The following DSCAM variants were observed in gnomAD, a reference collection of about 807,000 sequenced individuals.
DSCAM encodes cell adhesion molecule DSCAM.
DSCAM carries 47 observed loss-of-function variants against 217.7 expected under a neutral mutation model. That is an observed-to-expected ratio of 0.22 (90% confidence interval 0.17 to 0.28). The LOEUF is 0.28. Ranked by LOEUF, DSCAM falls within the 10% of genes least tolerant of loss-of-function variation. The probability of loss-of-function intolerance (pLI) is 1.00; values close to 1 mark genes in which losing one functional copy is unlikely to be tolerated. For missense variants in DSCAM, 2,080 were observed against 2,618.3 expected (o/e 0.79, Z 4.49); for synonymous variants, 1,056 against 1,015.3 (o/e 1.04, Z -0.76).
intron 11 of DSCAM, among the ~76,000 whole-genome samples, chr21:40,239,550 A>G (rs1473975981): frequency 6.6e-6 from 1 of 152,232 alleles, no homozygotes. Flanking sequence ...TGCTTTTTCC[A>G]GCATAAGGTG....
intron 3 of DSCAM, among the ~76,000 whole-genome samples, chr21:40,433,759 G>T (rs1601640664): frequency 6.6e-6 from 1 of 152,152 alleles, no homozygotes; most frequent in Non-Finnish European, 1.5e-5. Context: ...GTCACCTGAG[G>T]TAGATGATGT....
At chr21:40,728,707 A>G (rs2090983272) in intron 1 of DSCAM, among the ~76,000 whole-genome samples, 1 of 152,216 alleles carries the variant, frequency 6.6e-6, no homozygotes, top group South Asian at 2.1e-4. Flanking sequence ...GGCATGAGCC[A>G]CCATGCCTAG....
intron 20 of DSCAM, among the ~76,000 whole-genome samples, chr21:40,107,302 T>C (rs886579035): frequency 1.3e-5 from 2 of 152,162 alleles, no homozygotes; most frequent in African/African-American, 4.8e-5. Flanking sequence ...TTTCTTAGTA[T>C]TGATTTTGAA....
rs942994094 is a variant in DSCAM, at chr21:40,541,267, A to G, written c.508+151543T>C. 5.9e-5 allele frequency among the ~76,000 whole-genome samples: 9 copies of G among 152,188 alleles called. No individual in the cohort carries two copies. In the East Asian group the frequency reaches 1.5e-3, roughly 26 times the overall value. On this transcript the variant is annotated intron_variant, in intron 3 of 32. Transcript: ENST00000400454. Reference sequence around the variant, plus strand: ...ACTTTCTGCAATTGCCTCTATTTCAATACTTATTTTATGCCAGCCTTTAGT... The same window carrying G: ...ACTTTCTGCAATTGCCTCTATTTCAGTACTTATTTTATGCCAGCCTTTAGT...
intron 1 of DSCAM, among the ~76,000 whole-genome samples, chr21:40,815,600 G>A (rs990862168): frequency 6.6e-6 from 1 of 152,154 alleles, no homozygotes; most frequent in African/African-American, 2.4e-5. Flanking sequence ...TGATAATAAT[G>A]GAAGTGTCAC....
chr21:40,386,535 A>C (rs1341330829), intron 3 of DSCAM, among the ~76,000 whole-genome samples: 1 of 152,196 alleles, frequency 6.6e-6, no homozygotes. Context: ...TGGCACAGAG[A>C]GCTCCACGGC....
intron 1 of DSCAM, among the ~76,000 whole-genome samples, chr21:40,845,560 T>A (rs2092137835): frequency 6.6e-6 from 1 of 151,452 alleles, no homozygotes; most frequent in African/African-American, 2.4e-5. Context: ...TCTCTCTCTC[T>A]CTCTCTCTCT....
chr21:40,770,839 A>G (rs1601239366), intron 1 of DSCAM, among the ~76,000 whole-genome samples: 1 of 152,246 alleles, frequency 6.6e-6, no homozygotes, highest in East Asian at 1.9e-4. Context: ...TAACCTAGCT[A>G]GGAAAACTTT....
chr21:40,186,018 C>T (rs896524229), intron 14 of DSCAM, among the ~76,000 whole-genome samples: 6 of 152,230 alleles, frequency 3.9e-5, no homozygotes, highest in Non-Finnish European at 7.3e-5. Flanking sequence ...GCCATTCCAT[C>T]TTTCCTCATG....
At chr21:40,262,371 C>G (rs959090497) in intron 11 of DSCAM, among the ~76,000 whole-genome samples, 11 of 145,248 alleles carry the variant, frequency 7.6e-5, no homozygotes, top group Admixed American at 6.0e-4. Flanking sequence ...AGAGTCCTCA[C>G]CAGCATTAAG....
chr21:40,500,788 A>G (rs2076164782), intron 3 of DSCAM, among the ~76,000 whole-genome samples: 1 of 152,164 alleles, frequency 6.6e-6, no homozygotes, highest in Non-Finnish European at 1.5e-5. Flanking sequence ...TCAACTCTCT[A>G]ACGATACTGC....
At chr21:40,635,977 G>A (rs982720871) in intron 3 of DSCAM, among the ~76,000 whole-genome samples, 41 of 152,122 alleles carry the variant, frequency 2.7e-4, no homozygotes, top group Admixed American at 2.2e-3. Flanking sequence ...ACCCAAACAC[G>A]CAGGCAAAAT....
At chr21:40,134,109 C>T in intron 18 of DSCAM, 100 bp from the exon 19 acceptor site, 1 of 1,422,490 alleles carries the variant, frequency 7.0e-7, no homozygotes, top group East Asian at 2.5e-5. Flanking sequence ...CATGCCATCA[C>T]CCGTCCAGCC....
At chr21:40,721,107 C>A (rs2090896590) in intron 1 of DSCAM, among the ~76,000 whole-genome samples, 1 of 152,142 alleles carries the variant, frequency 6.6e-6, no homozygotes, top group Admixed American at 6.5e-5. Flanking sequence ...AGAAATGTAT[C>A]ACACAGCTGC....
chr21:40,650,582 ACT>A (rs1393400240), intron 3 of DSCAM, among the ~76,000 whole-genome samples: 3 of 151,956 alleles, frequency 2.0e-5, no homozygotes, highest in Non-Finnish European at 2.9e-5. Flanking sequence ...GAGTTTTTCC[ACT>A]CTCTTTTCTT....
rs1445223343 is a variant in DSCAM at position 40,322,127 on chromosome 21, CTTCT to C, written c.1784-9772_1784-9769del. The stretch of plus-strand genomic sequence containing the variant: ...GTATTGTGTTGATGTCTGCATTTGT[CTTCT>C]TTGTCTCCCTGCTGTTCTCCTGCGC... On this transcript the variant is annotated intron_variant, in intron 8 of 32. Transcript: ENST00000400454. Among the ~76,000 whole-genome samples the C allele has an allele frequency of 3.9e-5, 6 of 152,274 alleles. No homozygotes were observed. In the East Asian group the frequency reaches 5.8e-4, roughly 15 times the overall value.
intron 3 of DSCAM, among the ~76,000 whole-genome samples, chr21:40,434,411 C>T (rs1394360042): frequency 6.6e-6 from 1 of 152,150 alleles, no homozygotes; most frequent in Non-Finnish European, 1.5e-5. Context: ...TCTTGAAAAA[C>T]AGATTATTTG....
At chr21:40,171,222 T>C (rs1366754444) in intron 15 of DSCAM, among the ~76,000 whole-genome samples, 1 of 152,130 alleles carries the variant, frequency 6.6e-6, no homozygotes, top group African/African-American at 2.4e-5. Flanking sequence ...GGATTACAGG[T>C]GTGTGCCACC....
chr21:40,398,935 C>T (rs565654813), intron 3 of DSCAM, among the ~76,000 whole-genome samples: 14 of 152,226 alleles, frequency 9.2e-5, no homozygotes, highest in African/African-American at 3.4e-4. Flanking sequence ...TTTGTATCTC[C>T]CATGTAAGTA....
Sources: allele counts gnomAD v4.1 joint callset (sites outside exome capture counted in the v4.1 genomes callset), GRCh38; gene constraint gnomAD v4.1.1; transcripts MANE v1.5; gene names NCBI Gene and HGNC (gene_info 2026-07-23, HGNC 2026-07-21).